The following ROBO2 variants were observed in gnomAD, a reference collection of about 807,000 sequenced individuals.
The protein encoded by ROBO2 is roundabout homolog 2.
ROBO2 carries 53 observed loss-of-function variants against 160.8 expected under a neutral mutation model. The ratio of observed to expected loss-of-function variants is 0.33; its 90% CI spans 0.26 to 0.41. The LOEUF (loss-of-function observed/expected upper bound fraction) is 0.41. Among genes scored for constraint, ROBO2 ranks in the 10% least tolerant of loss-of-function variants. The probability of loss-of-function intolerance (pLI) is 1.00; values close to 1 mark genes in which losing one functional copy is unlikely to be tolerated. For synonymous variants in ROBO2, 664 were observed against 611.7 expected (o/e 1.09, Z -1.26); for missense variants, 1,577 against 1,722.4 (o/e 0.92, Z 1.49).
chr3:77,056,781 T>C (rs938180767), intron 1 of ROBO2, among the ~76,000 whole-genome samples: 1 of 152,132 alleles, frequency 6.6e-6, no homozygotes, highest in Non-Finnish European at 1.5e-5. Flanking sequence ...CATGTCGTAA[T>C]CCAGGGAAGA....
intron 2 of ROBO2, among the ~76,000 whole-genome samples, chr3:77,418,997 T>C (rs2077488718): frequency 6.6e-6 from 1 of 152,138 alleles, no homozygotes; most frequent in Non-Finnish European, 1.5e-5. Context: ...AATGTATTCC[T>C]TCTTCATTCA....
At chr3:76,984,066 C>T (rs529438134) in intron 2 of ROBO2, among the ~76,000 whole-genome samples, 6 of 152,200 alleles carry the variant, frequency 3.9e-5, no homozygotes, top group Non-Finnish European at 8.8e-5. Flanking sequence ...CATCAGATAT[C>T]ATGAGACTCA....
At chr3:76,259,257 A>G (rs184787117) in intron 2 of ROBO2, among the ~76,000 whole-genome samples, 169 of 152,240 alleles carry the variant, frequency 1.1e-3, no homozygotes, top group South Asian at 2.9e-3. Context: ...CAGAAATTAC[A>G]GTAAATTAAA....
chr3:76,967,484 G>A (rs2059360031), intron 2 of ROBO2, among the ~76,000 whole-genome samples: 1 of 132,750 alleles, frequency 7.5e-6, no homozygotes, highest in African/African-American at 2.8e-5. Flanking sequence ...TAGGATTACA[G>A]TCATAAGCCA....
chr3:76,863,371 G>A (rs943177041), intron 2 of ROBO2, among the ~76,000 whole-genome samples: 9 of 150,830 alleles, frequency 6.0e-5, no homozygotes, highest in Admixed American at 1.3e-4. Context: ...TTGGGAAGTC[G>A]AGGCTACAGT....
chr3:76,922,566 G>T (rs150553392), intron 2 of ROBO2, among the ~76,000 whole-genome samples: 185 of 152,278 alleles, frequency 1.2e-3, no homozygotes, highest in African/African-American at 4.2e-3. Flanking sequence ...AATGGGAGCC[G>T]CCTTATTTCT....
At chr3:76,323,635 T>C (rs1194094775) in intron 2 of ROBO2, among the ~76,000 whole-genome samples, 3 of 152,072 alleles carry the variant, frequency 2.0e-5, no homozygotes, top group Admixed American at 2.0e-4. Flanking sequence ...AAAATTGGAG[T>C]ATTCACAAGG....
chr3:77,236,204 G>A (rs2087946602), intron 2 of ROBO2, among the ~76,000 whole-genome samples: 1 of 152,186 alleles, frequency 6.6e-6, no homozygotes, highest in Non-Finnish European at 1.5e-5. Flanking sequence ...TTTCTAATTG[G>A]CAACTGGCTG....
chr3:76,873,001 T>C (rs1176502636), intron 2 of ROBO2, among the ~76,000 whole-genome samples: 1 of 152,136 alleles, frequency 6.6e-6, no homozygotes, highest in East Asian at 1.9e-4. Context: ...AAAATTCAGA[T>C]GATATATTGG....
intron 2 of ROBO2, among the ~76,000 whole-genome samples, chr3:76,468,622 C>T (rs1258775259): frequency 6.6e-6 from 1 of 151,948 alleles, no homozygotes; most frequent in African/African-American, 2.4e-5. Context: ...CTATGTTCAA[C>T]AATAATCATA....
At chr3:76,391,656 G>A (rs9881639) in intron 2 of ROBO2, among the ~76,000 whole-genome samples, 9,451 of 152,074 alleles carry the variant, frequency 0.062, 830 homozygotes, top group African/African-American at 0.2. Flanking sequence ...CGGACTACAG[G>A]TGTGTGCTGC....
intron 2 of ROBO2, among the ~76,000 whole-genome samples, chr3:76,282,235 A>G (rs1177250058): frequency 6.6e-6 from 1 of 151,920 alleles, no homozygotes; most frequent in East Asian, 1.9e-4. Flanking sequence ...CCTTTTCTGT[A>G]TTTTGTAATA....
chr3:76,819,420 G>A (rs918480705), intron 2 of ROBO2, among the ~76,000 whole-genome samples: 1 of 152,072 alleles, frequency 6.6e-6, no homozygotes, highest in Non-Finnish European at 1.5e-5. Flanking sequence ...GGCTTTATCT[G>A]AAAATTAGGC....
At chr3:76,123,436 G>T (rs994320747) in intron 2 of ROBO2, among the ~76,000 whole-genome samples, 21 of 152,080 alleles carry the variant, frequency 1.4e-4, no homozygotes, top group Admixed American at 1.0e-3. Flanking sequence ...TTTCTTGTAT[G>T]TAAGTTCAAT....
intron 2 of ROBO2, among the ~76,000 whole-genome samples, chr3:77,426,608 C>CTGTGTGTGTGTGTGTG (rs9309768): frequency 7.1e-6 from 1 of 140,550 alleles, no homozygotes; most frequent in Non-Finnish European, 1.5e-5. Context: ...ATGTGTGTGT[C>CTGTGTGTGTGTGTGTG]TGTGTGTGTG....
intron 2 of ROBO2, among the ~76,000 whole-genome samples, chr3:77,245,040 A>G (rs899655670): frequency 1.3e-5 from 2 of 152,088 alleles, no homozygotes; most frequent in Non-Finnish European, 2.9e-5. Flanking sequence ...TTTTATTTAA[A>G]ATTATGAGGA....
intron 13 of ROBO2, 135 bp from the exon 15 acceptor site, chr3:77,574,364 T>C (rs2093709475): frequency 2.7e-6 from 2 of 733,426 alleles, no homozygotes; most frequent in Non-Finnish European, 4.8e-6. Flanking sequence ...AGCAGAGAGA[T>C]TAGCTAGAAA....
At chr3:76,997,980 G>A (rs1009750122) in intron 2 of ROBO2, among the ~76,000 whole-genome samples, 2 of 152,060 alleles carry the variant, frequency 1.3e-5, no homozygotes, top group Non-Finnish European at 2.9e-5. Context: ...CCAACAGGGA[G>A]CACAAAAGAA....
chr3:75,955,539 C>T (rs553352071), intron 2 of ROBO2, among the ~76,000 whole-genome samples: 74 of 151,180 alleles, frequency 4.9e-4, no homozygotes, highest in Non-Finnish European at 9.2e-4. Context: ...ATGTAAATGA[C>T]GAGTTAATGG....
Sources: gnomAD v4.1 joint callset for allele counts (sites outside exome capture counted in the v4.1 genomes callset) on GRCh38, gnomAD v4.1.1 for gene constraint, MANE v1.5 for transcripts, NCBI Gene and HGNC (gene_info 2026-07-23, HGNC 2026-07-21) for gene names.